Variants in CDH12 observed in about 807,000 individuals in gnomAD.
The protein encoded by CDH12 is cadherin-12.
In CDH12, 41 loss-of-function variants were observed where a neutral mutation model predicts 74.1. The ratio of observed to expected loss-of-function variants is 0.55; its 90% confidence interval spans 0.43 to 0.72. The LOEUF (loss-of-function observed/expected upper bound fraction) is 0.72, where lower values mean the gene tolerates loss of function less well. CDH12 is among the 30% of genes least tolerant of loss of function. The pLI, the probability that CDH12 is intolerant of heterozygous loss-of-function variation, is 0.00. For synonymous variants in CDH12, 399 were observed against 355.0 expected, an observed-to-expected ratio of 1.12 and a Z score of -1.39; for missense variants, 945 against 977.2, an observed-to-expected ratio of 0.97 and a Z score of 0.44.
At chr5:21,944,727 C>G (rs2150093892) in intron 6 of CDH12, among the ~76,000 whole-genome samples, 1 of 152,226 alleles carries the variant, frequency 6.6e-6, no homozygotes, top group Middle Eastern at 3.4e-3. Flanking sequence ...CCTACTCACC[C>G]CCTCCCTGGT....
At chr5:22,396,896 T>A (rs1372604728) in intron 3 of CDH12, among the ~76,000 whole-genome samples, 1 of 152,120 alleles carries the variant, frequency 6.6e-6, no homozygotes, top group South Asian at 2.1e-4. Context: ...GCCCAATAGC[T>A]TTTTTCTTCT....
chr5:22,320,995 G>A (rs1250214017), intron 3 of CDH12, among the ~76,000 whole-genome samples: 4 of 152,118 alleles, frequency 2.6e-5, no homozygotes, highest in Non-Finnish European at 5.9e-5. Flanking sequence ...GTTGCTCTAT[G>A]ATAACTTGCA....
At chr5:21,929,506 C>T (rs1048447256) in intron 6 of CDH12, among the ~76,000 whole-genome samples, 2 of 151,920 alleles carry the variant, frequency 1.3e-5, no homozygotes, top group Non-Finnish European at 1.5e-5. Flanking sequence ...ACTGATCTGA[C>T]AGGAGGCAGA....
rs143090044 is a variant in CDH12 at position 22,809,150 on chromosome 5, T to C, written c.-523+43908A>G. The stretch of plus-strand genomic sequence containing the variant: ...GCCTACAGTTACATCATTTGAGTAT[T>C]GAGACTGAGGTGACTAATTTTGAGT... On this transcript the variant is annotated intron_variant, in intron 1 of 14. Coordinates refer to ENST00000382254, the MANE Select transcript of CDH12 (RefSeq NM_004061.5). Among the ~76,000 whole-genome samples, 43 of 152,064 alleles carry C rather than the reference T, an allele frequency of 2.8e-4. No individual in the cohort carries two copies. The East Asian group carries it at 6.9e-3, about 25-fold the overall frequency.
intron 3 of CDH12, among the ~76,000 whole-genome samples, chr5:22,342,718 TTCTC>T (rs1211493948): frequency 1.4e-5 from 2 of 147,622 alleles, no homozygotes; most frequent in African/African-American, 2.5e-5. Context: ...CCTTCCCTCT[TTCTC>T]TCTCTCCTTC....
chr5:22,444,186 T>C (rs562173810), intron 2 of CDH12, among the ~76,000 whole-genome samples: 2 of 152,206 alleles, frequency 1.3e-5, no homozygotes, highest in South Asian at 4.1e-4. Flanking sequence ...ACTTGGAGTG[T>C]CACTAAAACA....
At chr5:22,362,838 C>A (rs1257638908) in intron 3 of CDH12, among the ~76,000 whole-genome samples, 30 of 149,902 alleles carry the variant, frequency 2.0e-4, no homozygotes, top group Non-Finnish European at 3.5e-4. Context: ...AGGACAAAAA[C>A]CCAAACACCG....
intron 11 of CDH12, among the ~76,000 whole-genome samples, chr5:21,766,796 A>G (rs150330513): frequency 1.4e-3 from 217 of 152,084 alleles, no homozygotes; most frequent in African/African-American, 4.8e-3. Flanking sequence ...CTTGCAATGT[A>G]CAAATATTCA....
intron 2 of CDH12, among the ~76,000 whole-genome samples, chr5:22,479,854 A>G (rs1746314981): frequency 6.6e-6 from 1 of 152,122 alleles, no homozygotes; most frequent in South Asian, 2.1e-4. Context: ...ATTAAAAGAG[A>G]ACTAAAATGA....
intron 1 of CDH12, among the ~76,000 whole-genome samples, chr5:22,806,339 A>G (rs1748800222): frequency 6.7e-6 from 1 of 150,318 alleles, no homozygotes; most frequent in African/African-American, 2.4e-5. Flanking sequence ...TGACTTTATA[A>G]TGATTGCCAT....
chr5:22,041,945 A>G (rs1739601676), intron 5 of CDH12, among the ~76,000 whole-genome samples: 1 of 152,224 alleles, frequency 6.6e-6, no homozygotes, highest in African/African-American at 2.4e-5. Flanking sequence ...AATTGAAATC[A>G]TGTCAAGTAT....
chr5:22,478,310 C>T (rs1380159482), intron 2 of CDH12, among the ~76,000 whole-genome samples: 2 of 143,838 alleles, frequency 1.4e-5, no homozygotes, highest in Non-Finnish European at 3.0e-5. Flanking sequence ...CCCAGCTACT[C>T]GGGAGGCTGA....
chr5:22,540,164 T>A (rs1259095864), intron 1 of CDH12, among the ~76,000 whole-genome samples: 1 of 152,080 alleles, frequency 6.6e-6, no homozygotes, highest in Non-Finnish European at 1.5e-5. Context: ...TATCAAAATA[T>A]CACACAAAAT....
chr5:22,719,145 G>T (rs964770465), intron 1 of CDH12, among the ~76,000 whole-genome samples: 4 of 152,076 alleles, frequency 2.6e-5, no homozygotes, highest in Admixed American at 6.6e-5. Context: ...TGTGGGGATG[G>T]TTCCCTCAGC....
Position 22,566,070 on chromosome 5 carries a change from A to C in CDH12, c.-522-60706T>G, listed in dbSNP as rs79764720. On this transcript the variant is annotated intron_variant, in intron 1 of 14. Coordinates refer to ENST00000382254, the MANE Select transcript of CDH12 (RefSeq NM_004061.5). ...AGTGAATTGATGTCTGAAGTATGTTACAGATTCCATTCAAATCTAAGACTA... is the reference window on the plus strand; with the variant it reads ...AGTGAATTGATGTCTGAAGTATGTTCCAGATTCCATTCAAATCTAAGACTA... Among the ~76,000 whole-genome samples, 1,114 of 152,306 alleles carry C rather than the reference A, an allele frequency of 7.3e-3. 11 individuals carry two copies. The highest frequency in any genetic ancestry group is 0.023 in the African/African-American group (961 of 41,576).
chr5:22,364,271 C>T (rs1740940304), intron 3 of CDH12, among the ~76,000 whole-genome samples: 1 of 151,146 alleles, frequency 6.6e-6, no homozygotes, highest in Non-Finnish European at 1.5e-5. Flanking sequence ...AAGGGAAGTC[C>T]ATGTGCCCTT....
intron 3 of CDH12, among the ~76,000 whole-genome samples, chr5:22,247,891 C>T (rs181520462): frequency 6.6e-6 from 1 of 152,220 alleles, no homozygotes; most frequent in African/African-American, 2.4e-5. Flanking sequence ...TATGCTCAAA[C>T]CTTAAACAAA....
At chr5:22,407,557 T>C (rs1742991312) in intron 2 of CDH12, among the ~76,000 whole-genome samples, 1 of 152,014 alleles carries the variant, frequency 6.6e-6, no homozygotes, top group African/African-American at 2.4e-5. Context: ...AAGTTGATCA[T>C]AGCACTGCCT....
At chr5:21,755,142 A>T (rs1744313493) in intron 14 of CDH12, among the ~76,000 whole-genome samples, 1 of 152,160 alleles carries the variant, frequency 6.6e-6, no homozygotes, top group South Asian at 2.1e-4. Context: ...TCCTTTCTTT[A>T]TTGAACTGGA....
Sources: allele counts gnomAD v4.1 joint callset (sites outside exome capture counted in the v4.1 genomes callset), GRCh38; gene constraint gnomAD v4.1.1; transcripts MANE v1.5; gene names NCBI Gene and HGNC (gene_info 2026-07-23, HGNC 2026-07-21).